Variants in PCDH11X observed in about 807,000 individuals in gnomAD.
PCDH11X encodes protocadherin 11 X-linked.
A neutral mutation model predicts 53.3 loss-of-function variants in PCDH11X; 18 were observed. The observed-to-expected ratio is 0.34, with a 90% CI of 0.23 to 0.50. The LOEUF (loss-of-function observed/expected upper bound fraction) is 0.50. PCDH11X is among the 20% of genes least tolerant of loss of function. The pLI is 0.98. For missense variants in PCDH11X, 570 were observed against 1,032.4 expected (o/e 0.55, Z 6.14); for synonymous variants, 279 against 393.3 (o/e 0.71, Z 3.44).
At chrX:92,568,339 G>A (rs1210345856) in intron 10 of PCDH11X, among the ~76,000 whole-genome samples, 1 of 109,181 alleles carries the variant, frequency 9.2e-6, no homozygotes, top group Non-Finnish European at 1.9e-5. Flanking sequence ...GGAGAACAGC[G>A]TGAACGTGGG....
chrX:92,265,720 G>T (rs1231099979), intron 8 of PCDH11X, among the ~76,000 whole-genome samples: 1 of 110,977 alleles, frequency 9.0e-6, no homozygotes, highest in Non-Finnish European at 1.9e-5. Context: ...TAAGTGGCTT[G>T]CCTAAGGTTA....
At chrX:92,408,616 T>A (rs2071575674) in intron 9 of PCDH11X, among the ~76,000 whole-genome samples, 1 of 111,693 alleles carries the variant, frequency 9.0e-6, no homozygotes, top group African/African-American at 3.3e-5. Context: ...TCTCACTCTG[T>A]TGCTCAGGCT....
intron 9 of PCDH11X, among the ~76,000 whole-genome samples, chrX:92,465,114 T>A (rs1194831529): frequency 9.0e-6 from 1 of 110,815 alleles, no homozygotes; most frequent in Non-Finnish European, 1.9e-5. Flanking sequence ...TCCACTGCAC[T>A]CCTGCCTGGG....
chrX:92,445,989 C>T (rs1037302930), intron 9 of PCDH11X, among the ~76,000 whole-genome samples: 62 of 110,316 alleles, frequency 5.6e-4, no homozygotes, highest in African/African-American at 2.0e-3. Context: ...TTAGCAAATG[C>T]CTTCAACTTA....
Position 92,378,763 on chromosome X carries a change from T to C in PCDH11X, c.3145-8972T>C, listed in dbSNP as rs188731567. Among the ~76,000 whole-genome samples the C allele has an allele frequency of 6.8e-3, 760 of 111,898 alleles. 7 individuals are homozygous for C. The highest frequency in any genetic ancestry group is 0.023 in the African/African-American group (722 of 30,795). On this transcript the variant is annotated intron_variant, in intron 8 of 10. Transcript: ENST00000682573. The stretch of plus-strand genomic sequence containing the variant: ...GGTAAGAGATCTTTGAAGTCACTTA[T>C]ATAAGGGCACTAATCTGATTTATAA...
intron 7 of PCDH11X, among the ~76,000 whole-genome samples, chrX:92,245,750 C>A (rs2067338177): frequency 8.9e-6 from 1 of 111,825 alleles, no homozygotes; most frequent in Non-Finnish European, 1.9e-5. Flanking sequence ...TAAACCTTGG[C>A]CTTTTGTCCA....
chrX:92,445,765 T>A (rs191071273), intron 9 of PCDH11X, among the ~76,000 whole-genome samples: 1 of 110,154 alleles, frequency 9.1e-6, no homozygotes, highest in Non-Finnish European at 1.9e-5. Flanking sequence ...AAAATTATGC[T>A]AGCTCTGAGG....
At chrX:92,494,282 G>A (rs1401704161) in intron 10 of PCDH11X, among the ~76,000 whole-genome samples, 31 of 104,813 alleles carry the variant, frequency 3.0e-4, no homozygotes, top group Non-Finnish European at 5.5e-4. Flanking sequence ...TATATGGTCA[G>A]TCCTAAGTCC....
At chrX:91,843,081 A>T (rs1190475552) in intron 5 of PCDH11X, among the ~76,000 whole-genome samples, 5 of 107,207 alleles carry the variant, frequency 4.7e-5, no homozygotes, top group Non-Finnish European at 7.7e-5. Context: ...TAATTCCAGT[A>T]ATCTAAATTT....
chrX:92,187,108 A>G (rs1164002277), intron 6 of PCDH11X, among the ~76,000 whole-genome samples: 1 of 112,089 alleles, frequency 8.9e-6, no homozygotes, highest in Non-Finnish European at 1.9e-5. Flanking sequence ...TAAAACAACA[A>G]AAAAATCACT....
chrX:92,135,948 C>T (rs1297641131), intron 6 of PCDH11X, among the ~76,000 whole-genome samples: 1 of 109,799 alleles, frequency 9.1e-6, no homozygotes, highest in Non-Finnish European at 1.9e-5. Context: ...ATGACATATG[C>T]AAAAAAAATG....
chrX:91,824,953 C>T (rs938544250), intron 4 of PCDH11X, among the ~76,000 whole-genome samples: 5 of 108,753 alleles, frequency 4.6e-5, no homozygotes, highest in Admixed American at 1.9e-4. Flanking sequence ...GTCAGTGTGC[C>T]CCTGCTGGGG....
At chrX:91,825,331 C>T (rs779066845) in intron 4 of PCDH11X, among the ~76,000 whole-genome samples, 2 of 111,098 alleles carry the variant, frequency 1.8e-5, no homozygotes, top group South Asian at 3.9e-4. Flanking sequence ...AGCGAGACTC[C>T]GTGGGCGTAG....
intron 7 of PCDH11X, among the ~76,000 whole-genome samples, chrX:92,245,652 G>A (rs1051901306): frequency 8.9e-6 from 1 of 111,863 alleles, no homozygotes; most frequent in African/African-American, 3.2e-5. Flanking sequence ...TAGAAATGGT[G>A]TAGGAGACAA....
intron 8 of PCDH11X, among the ~76,000 whole-genome samples, chrX:92,263,708 T>C (rs1474066911): frequency 8.9e-6 from 1 of 112,286 alleles, no homozygotes; most frequent in Non-Finnish European, 1.9e-5. Context: ...AAAGTTATTG[T>C]GAAAACCACA....
At chrX:92,047,807 A>C (rs2063311559) in intron 6 of PCDH11X, among the ~76,000 whole-genome samples, 1 of 107,181 alleles carries the variant, frequency 9.3e-6, no homozygotes, top group Non-Finnish European at 1.9e-5. Context: ...AGCAGTGAGA[A>C]GGTTTTAGCA....
chrX:91,982,631 A>C (rs982145953), intron 6 of PCDH11X: 22 of 1,072,678 alleles, frequency 2.1e-5, no homozygotes. Flanking sequence ...GTTTAAAATT[A>C]AACAATTGTA....
intron 8 of PCDH11X, among the ~76,000 whole-genome samples, chrX:92,359,042 C>T (rs1451508201): frequency 2.7e-5 from 3 of 109,348 alleles, no homozygotes; most frequent in African/African-American, 9.9e-5. Flanking sequence ...CATTGAGTGG[C>T]GGTTCCTCAT....
At chrX:92,160,341 C>T (rs2065619703) in intron 6 of PCDH11X, among the ~76,000 whole-genome samples, 1 of 110,695 alleles carries the variant, frequency 9.0e-6, no homozygotes, top group Non-Finnish European at 1.9e-5. Flanking sequence ...GTCCCAAAGT[C>T]TGCTGCATTA....
Sources: gnomAD v4.1 joint callset for allele counts (sites outside exome capture counted in the v4.1 genomes callset) on GRCh38, gnomAD v4.1.1 for gene constraint, MANE v1.5 for transcripts, NCBI Gene and HGNC (gene_info 2026-07-23, HGNC 2026-07-21) for gene names.